MAN1A2: variants seen among roughly 807,000 people sequenced by gnomAD.
MAN1A2 encodes mannosidase alpha class 1A member 2.
MAN1A2 carries 26 observed loss-of-function variants against 75.7 expected under a neutral mutation model. The ratio of observed to expected loss-of-function variants is 0.34; its 90% CI spans 0.25 to 0.48. The LOEUF is 0.48. Among genes scored for constraint, MAN1A2 ranks in the 20% least tolerant of loss-of-function variants. The pLI is 0.99. For synonymous variants in MAN1A2, 247 were observed against 264.6 expected (o/e 0.93, Z 0.65); for missense variants, 562 against 775.5 (o/e 0.72, Z 3.27).
In MAN1A2 at chr1:117,386,825, G is replaced by A. The variant is rs571588077; in HGVS notation, c.303-15361G>A. Among the ~76,000 whole-genome samples the A allele has an allele frequency of 1.4e-3, 217 of 151,662 alleles. 1 individual carries two copies. Among genetic ancestry groups the A allele is most frequent in the African/African-American group, 4.9e-3 (203 of 41,364 alleles). ...CACACACCTATATTTCCACGTAATCGGGAGGATCATTGAAGCAGGAGGCTG... is the reference window on the plus strand; with the variant it reads ...CACACACCTATATTTCCACGTAATCAGGAGGATCATTGAAGCAGGAGGCTG... On this transcript the variant is annotated intron_variant, in intron 1 of 12. Coordinates refer to ENST00000356554, the MANE Select transcript of MAN1A2 (RefSeq NM_006699.5).
intron 8 of MAN1A2, among the ~76,000 whole-genome samples, chr1:117,472,022 G>T (rs751392937): frequency 6.6e-6 from 1 of 151,722 alleles, no homozygotes; most frequent in Non-Finnish European, 1.5e-5. Flanking sequence ...AATATAATAC[G>T]GATCTGGATC....
intron 6 of MAN1A2, among the ~76,000 whole-genome samples, chr1:117,442,621 C>T (rs1649071894): frequency 6.6e-6 from 1 of 152,006 alleles, no homozygotes; most frequent in South Asian, 2.1e-4. Flanking sequence ...ATATTTGTTT[C>T]TTTTATTTGC....
chr1:117,393,298 G>C (rs1031473144), intron 1 of MAN1A2, among the ~76,000 whole-genome samples: 6 of 152,048 alleles, frequency 3.9e-5, no homozygotes, highest in Admixed American at 1.3e-4. Context: ...TACCTTGAAG[G>C]TGTGGCATTT....
At chr1:117,482,024 G>A (rs973630497) in intron 8 of MAN1A2, among the ~76,000 whole-genome samples, 2 of 151,802 alleles carry the variant, frequency 1.3e-5, no homozygotes, top group African/African-American at 4.8e-5. Context: ...AGCAAACTAT[G>A]GGAGACCAGC....
chr1:117,417,557 A>ATATATATATATATATATATGTGTG (rs1214425551), intron 4 of MAN1A2, among the ~76,000 whole-genome samples: 12 of 140,742 alleles, frequency 8.5e-5, no homozygotes, highest in African/African-American at 3.2e-4. Context: ...ATATATATAT[A>ATATATATATATATATATATGTGTG]TGTGATATAT....
intron 1 of MAN1A2, among the ~76,000 whole-genome samples, chr1:117,376,100 C>T (rs546272339): frequency 4.6e-5 from 7 of 152,038 alleles, no homozygotes; most frequent in South Asian, 4.1e-4. Flanking sequence ...TTTGTAGAGA[C>T]GGGGTTTCAC....
chr1:117,478,797 CT>C (rs1320459366), intron 8 of MAN1A2, among the ~76,000 whole-genome samples: 1 of 151,928 alleles, frequency 6.6e-6, no homozygotes. Context: ...GTGTACCATC[CT>C]GTTTTGATGA....
At position 117,398,177 on chromosome 1, in the gene MAN1A2, C is replaced by A. The variant is rs1423973622; in HGVS notation, c.303-4009C>A. Among the ~76,000 whole-genome samples, 8 of 152,024 alleles carry A rather than the reference C, an allele frequency of 5.3e-5. No individual in the cohort carries two copies. The East Asian group carries it at 1.5e-3, about 29-fold the overall frequency. ...GTCATCAGGAGAGACAGGCATTACT[C>A]AAAGAATCACATGTGGTTAAGTACT... On this transcript the variant is annotated intron_variant, in intron 1 of 12. Transcript: ENST00000356554.
At chr1:117,402,681 A>G (rs1246085677) in intron 2 of MAN1A2, among the ~76,000 whole-genome samples, 1 of 151,540 alleles carries the variant, frequency 6.6e-6, no homozygotes. Context: ...GGTTAGTGCC[A>G]CTCATTCTTT....
At chr1:117,489,958 AGAG>A (rs930730489) in intron 8 of MAN1A2, among the ~76,000 whole-genome samples, 5 of 150,814 alleles carry the variant, frequency 3.3e-5, no homozygotes, top group African/African-American at 1.2e-4. Context: ...TTTAATGCAG[AGAG>A]GAGGATGTCA....
chr1:117,506,193 C>G (rs1292678948), intron 12 of MAN1A2, among the ~76,000 whole-genome samples: 1 of 151,378 alleles, frequency 6.6e-6, no homozygotes, highest in Non-Finnish European at 1.5e-5. Flanking sequence ...CAGAAGCTGT[C>G]AGTTTAAGAT....
At chr1:117,452,531 T>C (rs1182091516) in intron 6 of MAN1A2, among the ~76,000 whole-genome samples, 1 of 152,130 alleles carries the variant, frequency 6.6e-6, no homozygotes, top group Non-Finnish European at 1.5e-5. Context: ...TGGAGAAAGT[T>C]TGAGTGGTCT....
At position 117,528,034 on chromosome 1, in the gene MAN1A2, A is replaced by G. The variant is rs965143608; in HGVS notation, c.*5077A>G. The G allele has an allele frequency of 3.9e-5, 6 of 152,062 alleles. No individual in the cohort carries two copies. The highest frequency in any genetic ancestry group is 2.1e-4 in the South Asian group (1 of 4,834). 9.4% of individuals were successfully genotyped at this position (152,062 alleles called of 1,614,324 possible). On this transcript the variant is annotated 3_prime_UTR_variant, in exon 13 of 13. Coordinates refer to ENST00000356554, the MANE Select transcript of MAN1A2 (RefSeq NM_006699.5). ...ATCCCTTTCTCTTGCATAACTCTCA[A>G]TCCTTTACAAGTAAGTAGCATTATT... is the stretch of plus-strand genomic sequence containing the variant.
At chr1:117,439,494 C>G (rs1292992778) in intron 5 of MAN1A2, among the ~76,000 whole-genome samples, 1 of 148,714 alleles carries the variant, frequency 6.7e-6, no homozygotes. Flanking sequence ...ATTGTGTTGT[C>G]TTACTTTTTT....
At chr1:117,408,605 C>G (rs891688003) in intron 3 of MAN1A2, among the ~76,000 whole-genome samples, 1 of 151,968 alleles carries the variant, frequency 6.6e-6, no homozygotes, top group Non-Finnish European at 1.5e-5. Context: ...CTGTACTTTT[C>G]TTGTATTATC....
chr1:117,371,269 G>A lies in MAN1A2; in HGVS notation c.302+2784G>A, dbSNP rs577586584. Reference sequence around the variant, plus strand: ...TATACTAGGATCTTATTGTCTAAAGGAACATTTTATAACCAAACTGGTTGG... The same window carrying A: ...TATACTAGGATCTTATTGTCTAAAGAAACATTTTATAACCAAACTGGTTGG... On this transcript the variant is annotated intron_variant, in intron 1 of 12. Transcript: ENST00000356554. Among the ~76,000 whole-genome samples, 21 of 152,254 alleles carry A rather than the reference G, an allele frequency of 1.4e-4. No individual in the cohort carries two copies. The South Asian group carries it at 3.7e-3, about 27-fold the overall frequency.
At chr1:117,490,264 A>AT (rs1012609151) in intron 8 of MAN1A2, among the ~76,000 whole-genome samples, 1 of 151,984 alleles carries the variant, frequency 6.6e-6, no homozygotes, top group Non-Finnish European at 1.5e-5. Context: ...CGTCAGCATC[A>AT]TTTTTTTGAC....
chr1:117,425,615 C>A (rs1427984773), intron 5 of MAN1A2, among the ~76,000 whole-genome samples: 3 of 152,198 alleles, frequency 2.0e-5, no homozygotes, highest in Non-Finnish European at 4.4e-5. Flanking sequence ...AATCTTATTA[C>A]ATAACCACAG....
At chr1:117,417,959 T>C (rs1648062520) in intron 4 of MAN1A2, among the ~76,000 whole-genome samples, 1 of 151,738 alleles carries the variant, frequency 6.6e-6, no homozygotes, top group African/African-American at 2.4e-5. Flanking sequence ...GGAGGGAGGA[T>C]TGCTTGAGCC....
Sources: gnomAD v4.1 joint callset for allele counts (sites outside exome capture counted in the v4.1 genomes callset) on GRCh38, gnomAD v4.1.1 for gene constraint, MANE v1.5 for transcripts, NCBI Gene and HGNC (gene_info 2026-07-23, HGNC 2026-07-21) for gene names.